Variants in MYH10 observed in about 807,000 individuals in gnomAD.
The protein encoded by MYH10 is myosin-10.
A neutral mutation model predicts 257.8 loss-of-function variants in MYH10; 55 were observed. The observed-to-expected ratio is 0.21, with a 90% CI of 0.17 to 0.27. The LOEUF is 0.27. Among genes scored for constraint, MYH10 ranks in the 10% least tolerant of loss-of-function variants. The probability of loss-of-function intolerance (pLI) is 1.00; values close to 1 mark genes in which losing one functional copy is unlikely to be tolerated. For missense variants in MYH10, 1,631 were observed against 2,500.6 expected (o/e 0.65, Z 7.42); for synonymous variants, 854 against 921.7 (o/e 0.93, Z 1.33).
intron 23 of MYH10, among the ~76,000 whole-genome samples, chr17:8,513,255 A>T (rs943275184): frequency 1.3e-5 from 2 of 152,240 alleles, no homozygotes; most frequent in Admixed American, 1.3e-4. Context: ...ACCTCATCGA[A>T]AACAGGTGTT....
chr17:8,529,762 T>C (rs972941160), intron 17 of MYH10, among the ~76,000 whole-genome samples: 7 of 152,226 alleles, frequency 4.6e-5, no homozygotes, highest in African/African-American at 9.7e-5. Context: ...CTCAGCATTA[T>C]CATGTTCCAA....
chr17:8,575,106 G>A (rs2083460247), intron 6 of MYH10, among the ~76,000 whole-genome samples: 1 of 152,202 alleles, frequency 6.6e-6, no homozygotes, highest in South Asian at 2.1e-4. Flanking sequence ...GGCAATGACC[G>A]GGAAGCATGG....
At position 8,490,247 on chromosome 17, in the gene MYH10, A is replaced by G. The variant is rs1331462506; in HGVS notation, c.4884+93T>C. 15 of 1,044,892 alleles carry G rather than the reference A, an allele frequency of 1.4e-5. No individual in the cohort carries two copies. In the South Asian group the frequency reaches 1.8e-4, roughly 13 times the overall value. 64.7% of individuals were successfully genotyped at this position (1,044,892 alleles called of 1,614,324 possible). A position where few individuals can be genotyped will look rare whatever the true frequency, so the allele number is the denominator to read the frequency against. On this transcript the variant is annotated intron_variant, in intron 35 of 42. Transcript: ENST00000360416. This position sits in a 1 kb window ranked among gnomAD's most constrained non-coding sequence, Gnocchi z 4.1. ...TATGTGTTACTCTGTGTTTACTCAG[A>G]TGTGTTCTAACACGAATGAACAGGA...
chr17:8,547,185 G>A (rs1403880294), intron 11 of MYH10, among the ~76,000 whole-genome samples: 2 of 152,130 alleles, frequency 1.3e-5, no homozygotes, highest in Non-Finnish European at 2.9e-5. Flanking sequence ...GAGTAGCTGG[G>A]ACTACATGGC....
At chr17:8,528,252 C>T (rs891488785) in intron 17 of MYH10, among the ~76,000 whole-genome samples, 1 of 152,178 alleles carries the variant, frequency 6.6e-6, no homozygotes, top group South Asian at 2.1e-4. Context: ...TGGATCAGGT[C>T]TAAAGCCTTT....
chr17:8,605,665 A>AC (rs938370086), intron 2 of MYH10, among the ~76,000 whole-genome samples: 7 of 152,078 alleles, frequency 4.6e-5, no homozygotes, highest in African/African-American at 1.7e-4. Context: ...AATCGCCTGA[A>AC]CCCCAGGGGG....
intron 7 of MYH10, among the ~76,000 whole-genome samples, chr17:8,566,428 T>C (rs778550033): frequency 2.0e-5 from 3 of 152,140 alleles, no homozygotes; most frequent in Non-Finnish European, 4.4e-5. Flanking sequence ...GATCACTTGC[T>C]CTGGGAGAAG....
intron 6 of MYH10, among the ~76,000 whole-genome samples, chr17:8,573,425 C>G (rs7208821): frequency 1.3e-5 from 2 of 152,116 alleles, no homozygotes; most frequent in African/African-American, 4.8e-5. Flanking sequence ...CAGTTTAAAC[C>G]AGGTTGGAGA....
intron 4 of MYH10, among the ~76,000 whole-genome samples, chr17:8,582,050 G>A (rs951582913): frequency 3.3e-5 from 5 of 152,194 alleles, no homozygotes; most frequent in African/African-American, 1.2e-4. Flanking sequence ...AATGGTAGTG[G>A]TGATACCAAT....
chr17:8,477,873 C>T lies in MYH10; in HGVS notation c.5706+465G>A, dbSNP rs1412205041. ...AGTCCTGCGGAACATTCCCTGTGTA[C>T]TTAGAAAAGGGGGCCTGGATGCAGA... is the stretch of plus-strand genomic sequence containing the variant. On this transcript the variant is annotated intron_variant, in intron 41 of 42. Transcript: ENST00000360416. This position sits in a 1 kb window ranked among gnomAD's most constrained non-coding sequence, Gnocchi z 4.2. 2.0e-5 allele frequency among the ~76,000 whole-genome samples: 3 copies of T among 152,202 alleles called. No individual in the cohort carries two copies. The highest frequency in any genetic ancestry group is 7.2e-5 in the African/African-American group (3 of 41,450).
chr17:8,518,828 C>G, intron 20 of MYH10, 37 bp from the exon 21 acceptor site: 1 of 1,602,452 alleles, frequency 6.2e-7, no homozygotes, highest in Non-Finnish European at 8.5e-7. Context: ...TTTTTAACTA[C>G]AAGAAAGATT....
intron 40 of MYH10, among the ~76,000 whole-genome samples, chr17:8,479,879 GCCGTCCTAAAGCCCAGCCTT>G (rs1199949782): frequency 1.3e-5 from 2 of 152,166 alleles, no homozygotes; most frequent in African/African-American, 2.4e-5. Flanking sequence ...ATCACGGGGC[GCCGTCCTAAAGCCCAGCCTT>G]CCCTGACTGT....
intron 4 of MYH10, among the ~76,000 whole-genome samples, chr17:8,586,295 T>A (rs2083914810): frequency 6.6e-6 from 1 of 152,238 alleles, no homozygotes; most frequent in Admixed American, 6.5e-5. Context: ...ATAAGTCTTA[T>A]CTTTTCTCTG....
At chr17:8,560,256 T>C (rs143214091) in intron 7 of MYH10, among the ~76,000 whole-genome samples, 1 of 152,208 alleles carries the variant, frequency 6.6e-6, no homozygotes, top group African/African-American at 2.4e-5. Flanking sequence ...ACAAAACTAA[T>C]TCTTTATTTG....
intron 4 of MYH10, among the ~76,000 whole-genome samples, chr17:8,586,153 T>A (rs140629733): frequency 8.5e-5 from 13 of 152,296 alleles, no homozygotes; most frequent in Non-Finnish European, 1.6e-4. Context: ...CAGCATCAAA[T>A]AGACCAAGAG....
chr17:8,603,688 G>A (rs1291321115), intron 3 of MYH10, among the ~76,000 whole-genome samples: 2 of 152,028 alleles, frequency 1.3e-5, no homozygotes, highest in African/African-American at 4.8e-5. Context: ...CAAAAAGAGT[G>A]GATGATTCTT....
chr17:8,623,423 C>T lies in MYH10; in HGVS notation c.-31-146G>A, dbSNP rs1255885617. ...GTATACCTCTTCACAGCCATACTAA[C>T]CGAGTTTCCAAGGTAAATTTCAGCG... On this transcript the variant is annotated intron_variant, in intron 1 of 42. Coordinates refer to ENST00000360416, the MANE Select transcript of MYH10 (RefSeq NM_001256012.3). 4.6e-6 allele frequency: 3 copies of T among 653,816 alleles called. No homozygotes were observed. In the Admixed American group the frequency reaches 1.3e-4, roughly 28 times the overall value. The allele number at this position is 653,816 out of a possible 1,614,324, so 40.5% of individuals were successfully genotyped here.
chr17:8,500,381 G>A (rs1348308360), intron 29 of MYH10, among the ~76,000 whole-genome samples: 2 of 152,216 alleles, frequency 1.3e-5, no homozygotes, highest in African/African-American at 4.8e-5. Flanking sequence ...AGCCAACACT[G>A]TGTTTGGTGG....
rs112998523 is a variant in MYH10, at chr17:8,613,477, C to T, written c.346-8495G>A. Among the ~76,000 whole-genome samples, 261 of 152,148 alleles carry T rather than the reference C, an allele frequency of 1.7e-3. 3 individuals carry two copies. The highest frequency in any genetic ancestry group is 6.2e-3 in the African/African-American group (258 of 41,494). ...ATAAATTTGTTCAGGTGCTCTCAGGCCCTACCTATCATGATCTACAAAAGA... is the reference window on the plus strand; with the variant it reads ...ATAAATTTGTTCAGGTGCTCTCAGGTCCTACCTATCATGATCTACAAAAGA... On this transcript the variant is annotated intron_variant, in intron 2 of 42. Coordinates refer to ENST00000360416, the MANE Select transcript of MYH10 (RefSeq NM_001256012.3).
Sources: allele counts gnomAD v4.1 joint callset (sites outside exome capture counted in the v4.1 genomes callset), GRCh38; gene constraint gnomAD v4.1.1; non-coding constraint Gnocchi (gnomAD v3.1); transcripts MANE v1.5; gene names NCBI Gene and HGNC (gene_info 2026-07-23, HGNC 2026-07-21).